The following PCNX1 variants were observed in gnomAD, a reference collection of about 807,000 sequenced individuals.
The protein encoded by PCNX1 is pecanex-like protein 1.
PCNX1 carries 78 observed loss-of-function variants against 242.2 expected under a neutral mutation model. That is an observed-to-expected ratio of 0.32 (90% CI 0.27 to 0.39). PCNX1 has a LOEUF of 0.39. Among genes scored for constraint, PCNX1 ranks in the 10% least tolerant of loss-of-function variants. The pLI, the probability that PCNX1 is intolerant of heterozygous loss-of-function variation, is 1.00. For synonymous variants in PCNX1, 1,024 were observed against 1,032.9 expected (o/e 0.99, Z 0.17); for missense variants, 2,581 against 2,856.5 (o/e 0.90, Z 2.20).
At chr14:70,943,631 C>G (rs910412006) in intron 1 of PCNX1, among the ~76,000 whole-genome samples, 1 of 152,174 alleles carries the variant, frequency 6.6e-6, no homozygotes, top group African/African-American at 2.4e-5. Context: ...GGGAGGAATT[C>G]AAGAAAGCTG....
At chr14:70,995,186 T>C (rs1358979125) in intron 7 of PCNX1, among the ~76,000 whole-genome samples, 3 of 152,238 alleles carry the variant, frequency 2.0e-5, no homozygotes, top group African/African-American at 7.2e-5. Context: ...TCAGTTATTC[T>C]GGTTTTCTTG....
At chr14:71,060,697 A>T (rs769070927) in intron 26 of PCNX1, 3 of 152,324 alleles carry the variant, frequency 2.0e-5, no homozygotes, top group Admixed American at 2.0e-4. Context: ...GAACAAAGTG[A>T]CAGAAGCCAT....
intron 28 of PCNX1, among the ~76,000 whole-genome samples, chr14:71,086,736 C>A (rs2062002007): frequency 6.6e-6 from 1 of 152,238 alleles, no homozygotes; most frequent in Non-Finnish European, 1.5e-5. Context: ...TAGCACTCTG[C>A]CCTGTGAGCT....
intron 1 of PCNX1, among the ~76,000 whole-genome samples, chr14:70,945,921 A>G (rs1213037802): frequency 6.6e-6 from 1 of 152,206 alleles, no homozygotes; most frequent in East Asian, 1.9e-4. Flanking sequence ...CTAGAGCTAT[A>G]GATGTCTGGG....
intron 1 of PCNX1, 73 bp from the exon 2 acceptor site, chr14:70,946,842 G>T: frequency 4.7e-6 from 5 of 1,060,760 alleles, no homozygotes; most frequent in Non-Finnish European, 6.9e-6. Context: ...TATTATTTTA[G>T]ATACAGATTT....
intron 33 of PCNX1, among the ~76,000 whole-genome samples, chr14:71,108,343 TATTA>T (rs1472782350): frequency 5.3e-5 from 8 of 152,260 alleles, no homozygotes; most frequent in Non-Finnish European, 1.0e-4. Flanking sequence ...AATATTTAAT[TATTA>T]ATTGTCTTTC....
intron 5 of PCNX1, among the ~76,000 whole-genome samples, chr14:70,969,594 G>C (rs2058479846): frequency 6.6e-6 from 1 of 152,162 alleles, no homozygotes; most frequent in African/African-American, 2.4e-5. Context: ...TTGTACTTGG[G>C]TGCTTTTTTG....
chr14:71,076,526 CT>C, intron 28 of PCNX1, 107 bp downstream of exon 28: 2 of 690,558 alleles, frequency 2.9e-6, no homozygotes, highest in Non-Finnish European at 4.9e-6. Flanking sequence ...CTTCCTCTTT[CT>C]GATCTTCTGG....
chr14:70,912,262 G>A (rs1361232805), intron 1 of PCNX1, among the ~76,000 whole-genome samples: 1 of 151,800 alleles, frequency 6.6e-6, no homozygotes, highest in Admixed American at 6.6e-5. Context: ...AGAAAAAAAA[G>A]AACGTTAAAA....
chr14:71,075,508 T>G (rs1333319369), intron 27 of PCNX1, among the ~76,000 whole-genome samples: 1 of 152,198 alleles, frequency 6.6e-6, no homozygotes, highest in African/African-American at 2.4e-5. Flanking sequence ...CAGATGGCCT[T>G]AATAACTCTC....
chr14:71,042,344 G>A (rs1009940541), intron 19 of PCNX1, among the ~76,000 whole-genome samples: 5 of 152,062 alleles, frequency 3.3e-5, no homozygotes, highest in Non-Finnish European at 5.9e-5. Context: ...GTATCTGGGT[G>A]CTCTGGTGTA....
intron 1 of PCNX1, among the ~76,000 whole-genome samples, chr14:70,908,593 C>T (rs1349691716): frequency 1.3e-5 from 2 of 152,224 alleles, no homozygotes; most frequent in Non-Finnish European, 2.9e-5. Flanking sequence ...TGGGTGGTGG[C>T]TGAAAACCCG....
chr14:71,068,723 A>G (rs2141371308), intron 26 of PCNX1, among the ~76,000 whole-genome samples: 1 of 138,186 alleles, frequency 7.2e-6, no homozygotes, highest in Admixed American at 7.8e-5. Context: ...ATGTATATAT[A>G]ATATACAAAT....
intron 13 of PCNX1, among the ~76,000 whole-genome samples, chr14:71,025,258 A>T (rs2140849274): frequency 1.3e-5 from 2 of 152,290 alleles, no homozygotes; most frequent in African/African-American, 2.4e-5. Flanking sequence ...TGATGCTCAA[A>T]TTGTCCCTGA....
At chr14:70,910,207 G>GTCCTCCTCCTCC (rs750642409) in intron 1 of PCNX1, among the ~76,000 whole-genome samples, 2 of 13,172 alleles carry the variant, frequency 1.5e-4, no homozygotes, top group Non-Finnish European at 1.4e-4. Flanking sequence ...CCTCCTCCTC[G>GTCCTCCTCCTCC]TCCTCCTCCT....
chr14:70,916,738 A>T (rs896414682), intron 1 of PCNX1, among the ~76,000 whole-genome samples: 5 of 152,186 alleles, frequency 3.3e-5, no homozygotes, highest in African/African-American at 1.2e-4. Context: ...CCAGGGGGTG[A>T]CTGTTGAAGG....
Position 70,961,773 on chromosome 14 carries a change from T to C in PCNX1, c.363-453T>C, listed in dbSNP as rs1027374961. On this transcript the variant is annotated intron_variant, in intron 2 of 35. Coordinates refer to ENST00000304743, the MANE Select transcript of PCNX1 (RefSeq NM_014982.3). ...GACTGTTCTCTTGTGTGTTCATCAC[T>C]GTATCATGCGGCTCATTGAGACTGA... is the stretch of plus-strand genomic sequence containing the variant. 3.9e-5 allele frequency among the ~76,000 whole-genome samples: 6 copies of C among 152,346 alleles called. No individual in the cohort carries two copies. In the East Asian group the frequency reaches 1.2e-3, roughly 29 times the overall value.
At chr14:70,942,249 A>G (rs2057281616) in intron 1 of PCNX1, among the ~76,000 whole-genome samples, 1 of 152,212 alleles carries the variant, frequency 6.6e-6, no homozygotes, top group African/African-American at 2.4e-5. Context: ...CTATTCGGCC[A>G]TCTTACAACT....
chr14:71,063,472 CTGAT>C (rs2061372941), intron 26 of PCNX1, among the ~76,000 whole-genome samples: 1 of 152,142 alleles, frequency 6.6e-6, no homozygotes, highest in South Asian at 2.1e-4. Flanking sequence ...GTTTCGTAGA[CTGAT>C]TAAATAATGT....
Sources: gnomAD v4.1 joint callset for allele counts (sites outside exome capture counted in the v4.1 genomes callset) on GRCh38, gnomAD v4.1.1 for gene constraint, MANE v1.5 for transcripts, NCBI Gene and HGNC (gene_info 2026-07-23, HGNC 2026-07-21) for gene names.